The following SMYD3 variants were observed in gnomAD, a reference collection of about 807,000 sequenced individuals.
The protein encoded by SMYD3 is histone-lysine N-methyltransferase SMYD3.
A neutral mutation model predicts 57.7 loss-of-function variants in SMYD3; 36 were observed. The ratio of observed to expected loss-of-function variants is 0.62; its 90% confidence interval spans 0.48 to 0.82. The LOEUF (loss-of-function observed/expected upper bound fraction) is 0.82, where lower values mean the gene tolerates loss of function less well. Ranked by LOEUF, SMYD3 falls within the 40% of genes least tolerant of loss-of-function variation. The pLI is 0.00. For synonymous variants in SMYD3, 211 were observed against 195.0 expected, an observed-to-expected ratio of 1.08 and a Z score of -0.68; for missense variants, 515 against 538.8, an observed-to-expected ratio of 0.96 and a Z score of 0.44.
At chr1:245,915,961 G>A (rs1426645493) in intron 7 of SMYD3, among the ~76,000 whole-genome samples, 1 of 151,952 alleles carries the variant, frequency 6.6e-6, no homozygotes, top group Admixed American at 6.6e-5. Context: ...TGTTTACTAA[G>A]GTTTGCTAAT....
At chr1:246,077,195 G>A (rs2060563936) in intron 5 of SMYD3, among the ~76,000 whole-genome samples, 1 of 152,206 alleles carries the variant, frequency 6.6e-6, no homozygotes, top group Admixed American at 6.5e-5. Flanking sequence ...CAAGCTAAAG[G>A]TCTTGAGCCT....
At chr1:246,489,200 G>T (rs1293729254) in intron 1 of SMYD3, among the ~76,000 whole-genome samples, 2 of 152,194 alleles carry the variant, frequency 1.3e-5, no homozygotes, top group East Asian at 3.9e-4. Flanking sequence ...CAAAAAATTA[G>T]CCGGGCGTGG....
intron 5 of SMYD3, among the ~76,000 whole-genome samples, chr1:245,997,828 T>C (rs2058962671): frequency 6.6e-6 from 1 of 152,198 alleles, no homozygotes; most frequent in Non-Finnish European, 1.5e-5. Flanking sequence ...TGATCAGAAC[T>C]GCTGGGAGAA....
intron 5 of SMYD3, among the ~76,000 whole-genome samples, chr1:246,056,343 C>T (rs1156927465): frequency 2.0e-5 from 3 of 152,032 alleles, no homozygotes; most frequent in Admixed American, 6.6e-5. Context: ...GGAGGGAGTG[C>T]GGGCAGGGGG....
Position 246,286,870 on chromosome 1 carries a change from C to CT in SMYD3, c.531+40330dup, listed in dbSNP as rs1190629612. On this transcript the variant is annotated intron_variant, in intron 5 of 11. Transcript: ENST00000490107. Reference sequence around the variant, plus strand: ...TGACCTCAAGATATAATAAAAAAATCTTTTTTTTTGTTTTTTTTTTTGAGA... The same window carrying CT: ...TGACCTCAAGATATAATAAAAAAATCTTTTTTTTTTGTTTTTTTTTTTGAGA... 1.3e-3 allele frequency among the ~76,000 whole-genome samples: 189 copies of CT among 146,864 alleles called. 2 individuals carry two copies. The highest frequency in any genetic ancestry group is 4.2e-3 in the African/African-American group (171 of 40,514).
intron 10 of SMYD3, among the ~76,000 whole-genome samples, chr1:245,809,865 G>T (rs933323457): frequency 6.6e-6 from 1 of 152,132 alleles, no homozygotes; most frequent in Non-Finnish European, 1.5e-5. Context: ...GTAAAGATTT[G>T]GAATTAGCTG....
Position 246,246,978 on chromosome 1 carries a change from A to G in SMYD3, c.531+80223T>C, listed in dbSNP as rs1250397928. Among the ~76,000 whole-genome samples, 3 of 152,184 alleles carry G rather than the reference A, an allele frequency of 2.0e-5. No homozygotes were observed. The East Asian group carries it at 5.8e-4, about 29-fold the overall frequency. On this transcript the variant is annotated intron_variant, in intron 5 of 11. Transcript: ENST00000490107. Reference sequence around the variant, plus strand: ...TATTCAGCATATTTCTTCGTTAGTTATATGTTAAAATACGAAGATACACAT... The same window carrying G: ...TATTCAGCATATTTCTTCGTTAGTTGTATGTTAAAATACGAAGATACACAT...
At chr1:245,878,014 C>T (rs1016002444) in intron 8 of SMYD3, among the ~76,000 whole-genome samples, 1 of 152,032 alleles carries the variant, frequency 6.6e-6, no homozygotes, top group Non-Finnish European at 1.5e-5. Flanking sequence ...AGAGTGTTCC[C>T]AGGAGGAGGA....
chr1:246,499,200 G>A (rs577896697), intron 1 of SMYD3, among the ~76,000 whole-genome samples: 6 of 151,316 alleles, frequency 4.0e-5, no homozygotes, highest in Non-Finnish European at 7.4e-5. Flanking sequence ...GCTATTCGGG[G>A]GACTGAGGCA....
intron 5 of SMYD3, among the ~76,000 whole-genome samples, chr1:245,991,530 C>T (rs1370287776): frequency 6.6e-6 from 1 of 152,212 alleles, no homozygotes; most frequent in Non-Finnish European, 1.5e-5. Flanking sequence ...CAGCCAGAGC[C>T]ACAGTCAACT....
At chr1:246,088,564 CATG>C (rs1291016487) in intron 5 of SMYD3, among the ~76,000 whole-genome samples, 8 of 139,186 alleles carry the variant, frequency 5.7e-5, no homozygotes, top group Admixed American at 3.5e-4. Flanking sequence ...GAGCCGAGAT[CATG>C]CCACTGCACT....
intron 5 of SMYD3, among the ~76,000 whole-genome samples, chr1:246,002,490 T>TG (rs2059085724): frequency 1.4e-5 from 1 of 73,706 alleles, no homozygotes; most frequent in Non-Finnish European, 2.9e-5. Flanking sequence ...GGCTAATTTT[T>TG]TGTATTTTTA....
chr1:246,311,954 G>A (rs922854410), intron 5 of SMYD3, among the ~76,000 whole-genome samples: 8 of 152,102 alleles, frequency 5.3e-5, no homozygotes, highest in African/African-American at 1.2e-4. Context: ...GAGCTAAAAC[G>A]TAATGTAAGT....
chr1:246,082,969 C>A (rs1290471461), intron 5 of SMYD3, among the ~76,000 whole-genome samples: 1 of 146,490 alleles, frequency 6.8e-6, no homozygotes, highest in Admixed American at 6.8e-5. Flanking sequence ...CCCAGGGGCA[C>A]AAACACTGCG....
chr1:245,893,759 A>ATAG (rs2053549254), intron 8 of SMYD3, among the ~76,000 whole-genome samples: 1 of 151,700 alleles, frequency 6.6e-6, no homozygotes, highest in Non-Finnish European at 1.5e-5. Context: ...CTCTATCTTG[A>ATAG]TGGTGGTGGT....
At chr1:245,860,044 T>C (rs554559305) in intron 9 of SMYD3, among the ~76,000 whole-genome samples, 67 of 152,280 alleles carry the variant, frequency 4.4e-4, no homozygotes, top group African/African-American at 1.5e-3. Flanking sequence ...ACAAAGCACA[T>C]GCTACACAAG....
intron 1 of SMYD3, among the ~76,000 whole-genome samples, chr1:246,490,364 A>C (rs936823358): frequency 6.6e-6 from 1 of 152,172 alleles, no homozygotes; most frequent in African/African-American, 2.4e-5. Flanking sequence ...TGTTATCTGC[A>C]GACAGAGTGC....
At chr1:245,892,802 C>A (rs1263647604) in intron 8 of SMYD3, among the ~76,000 whole-genome samples, 1 of 152,168 alleles carries the variant, frequency 6.6e-6, no homozygotes, top group Non-Finnish European at 1.5e-5. Context: ...GAAGAAATAT[C>A]TTTCTCCTCT....
At position 246,213,627 on chromosome 1, in the gene SMYD3, C is replaced by T. The variant is rs142383536; in HGVS notation, c.531+113574G>A. On this transcript the variant is annotated intron_variant, in intron 5 of 11. Transcript: ENST00000490107. ...TTCACCCAACCTGCCCTGTCTACTG[C>T]ACTTCCACGCCAGGACAGTGGCCCT... Among the ~76,000 whole-genome samples, 7 of 152,286 alleles carry T rather than the reference C, an allele frequency of 4.6e-5. No homozygotes were observed. In the East Asian group the frequency reaches 1.4e-3, roughly 29 times the overall value.
Sources: gnomAD v4.1 joint callset for allele counts (sites outside exome capture counted in the v4.1 genomes callset) on GRCh38, gnomAD v4.1.1 for gene constraint, MANE v1.5 for transcripts, NCBI Gene and HGNC (gene_info 2026-07-23, HGNC 2026-07-21) for gene names.